The following PTPRR variants were observed in gnomAD, a reference collection of about 807,000 sequenced individuals.
PTPRR encodes the protein receptor-type tyrosine-protein phosphatase R.
Under a neutral mutation model 77.2 loss-of-function variants are expected in PTPRR, and 38 were observed. That is an observed-to-expected ratio of 0.49 (90% CI 0.38 to 0.65). The LOEUF is 0.65. Among genes scored for constraint, PTPRR ranks in the 30% least tolerant of loss-of-function variants. The probability of loss-of-function intolerance (pLI) is 0.00; values close to 1 mark genes in which losing one functional copy is unlikely to be tolerated. For synonymous variants in PTPRR, 299 were observed against 283.1 expected (o/e 1.06, Z -0.57); for missense variants, 744 against 799.2 (o/e 0.93, Z 0.83).
intron 10 of PTPRR, among the ~76,000 whole-genome samples, chr12:70,680,375 A>T (rs1170391151): frequency 1.3e-5 from 2 of 152,020 alleles, no homozygotes; most frequent in Admixed American, 6.6e-5. Context: ...AATTTTATGG[A>T]GTGACTTTTG....
intron 6 of PTPRR, among the ~76,000 whole-genome samples, chr12:70,706,727 C>G (rs1010501300): frequency 3.3e-5 from 5 of 152,098 alleles, no homozygotes; most frequent in East Asian, 1.9e-4. Context: ...TTAAAAGAAC[C>G]AGATACATTG....
At chr12:70,724,071 G>A (rs989400627) in intron 6 of PTPRR, among the ~76,000 whole-genome samples, 1 of 152,138 alleles carries the variant, frequency 6.6e-6, no homozygotes, top group African/African-American at 2.4e-5. Flanking sequence ...GTCTAAGTTG[G>A]AAGTTGTAAA....
chr12:70,709,170 T>C (rs1191918166), intron 6 of PTPRR, among the ~76,000 whole-genome samples: 1 of 152,110 alleles, frequency 6.6e-6, no homozygotes, highest in Admixed American at 6.6e-5. Flanking sequence ...TGGTTCAACA[T>C]ATACAAATCA....
intron 1 of PTPRR, among the ~76,000 whole-genome samples, chr12:70,905,409 C>A (rs1009786022): frequency 6.6e-6 from 1 of 151,856 alleles, no homozygotes; most frequent in African/African-American, 2.4e-5. Context: ...ACAGTTTTCC[C>A]TACCTGTGAG....
rs1293943096 is a variant in PTPRR at position 70,871,004 on chromosome 12, G to A, written c.357+21675C>T. Among the ~76,000 whole-genome samples, 4 of 152,296 alleles carry A rather than the reference G, an allele frequency of 2.6e-5. No homozygotes were observed. In the East Asian group the frequency reaches 5.8e-4, roughly 22 times the overall value. On this transcript the variant is annotated intron_variant, in intron 2 of 13. Coordinates refer to ENST00000283228, the MANE Select transcript of PTPRR (RefSeq NM_002849.4). ...AACACTTGGGAAATAGAGGTTCACTGAACTTTGAAATCCAAAACCAGCATC... is the reference window on the plus strand; with the variant it reads ...AACACTTGGGAAATAGAGGTTCACTAAACTTTGAAATCCAAAACCAGCATC...
intron 2 of PTPRR, among the ~76,000 whole-genome samples, chr12:70,871,909 G>T (rs936379331): frequency 6.6e-6 from 1 of 152,140 alleles, no homozygotes; most frequent in African/African-American, 2.4e-5. Flanking sequence ...TTCCCATAAA[G>T]ATTATAATAA....
At chr12:70,761,837 G>T (rs1480665358) in intron 3 of PTPRR, among the ~76,000 whole-genome samples, 1 of 152,010 alleles carries the variant, frequency 6.6e-6, no homozygotes, top group African/African-American at 2.4e-5. Context: ...GCCATTAGTT[G>T]CCACCCCCCA....
chr12:70,714,460 A>C (rs760937615), intron 6 of PTPRR, among the ~76,000 whole-genome samples: 9 of 152,184 alleles, frequency 5.9e-5, no homozygotes, highest in African/African-American at 2.2e-4. Flanking sequence ...AAATTGGATC[A>C]TAAAATTTCA....
At chr12:70,743,753 G>A (rs548784191) in intron 6 of PTPRR, among the ~76,000 whole-genome samples, 6 of 152,228 alleles carry the variant, frequency 3.9e-5, no homozygotes, top group Admixed American at 6.6e-5. Context: ...GTATGATTCC[G>A]TCCTTGTATT....
chr12:70,767,736 C>G (rs1380338929), intron 2 of PTPRR, among the ~76,000 whole-genome samples: 3 of 152,190 alleles, frequency 2.0e-5, no homozygotes, highest in Non-Finnish European at 4.4e-5. Context: ...CACACCACAC[C>G]TGTTCCAAAA....
rs1386367761 is a variant in PTPRR, at chr12:70,764,759, T to C, written c.377A>G (p.Asn126Ser). ...VIVVTLQMDV[N>S]KLNITLLRIF... ...CCGAAGCAAGGTTATGTTCAGCTTGTTTACATCCATTTGCAGTGTCTAGAA... is the reference window on the plus strand; with the variant it reads ...CCGAAGCAAGGTTATGTTCAGCTTGCTTACATCCATTTGCAGTGTCTAGAA... The change falls in exon 3 of 14, where the codon AAC (asparagine) becomes AGC (serine). Residue 126 changes from asparagine to serine, a missense_variant. By Grantham distance (46) the Asn-to-Ser change is conservative (BLOSUM62 1). This residue lies in a region of PTPRR where 570 missense variants were observed against 573.2 expected (regional missense o/e 0.99). Transcript: ENST00000283228. 2 of 1,613,740 alleles carry C rather than the reference T, an allele frequency of 1.2e-6. No homozygotes were observed. The highest frequency in any genetic ancestry group is 1.7e-6 in the Non-Finnish European group (2 of 1,179,628).
At chr12:70,849,682 G>A (rs1185303746) in intron 2 of PTPRR, among the ~76,000 whole-genome samples, 1 of 152,218 alleles carries the variant, frequency 6.6e-6, no homozygotes, top group African/African-American at 2.4e-5. Flanking sequence ...ATATGTGGTT[G>A]ACAATGGGCA....
intron 1 of PTPRR, among the ~76,000 whole-genome samples, chr12:70,901,246 A>G (rs946326492): frequency 5.3e-5 from 8 of 151,560 alleles, no homozygotes; most frequent in South Asian, 2.1e-4. Context: ...AGCAATCCCA[A>G]TTCTGGGTGT....
chr12:70,814,357 G>A (rs1480209693), intron 2 of PTPRR, among the ~76,000 whole-genome samples: 4 of 152,096 alleles, frequency 2.6e-5, no homozygotes, highest in East Asian at 3.9e-4. Context: ...CACCTTGGGC[G>A]ATTTTGTTCT....
Position 70,739,454 on chromosome 12 carries a change from G to A in PTPRR, c.1007+6364C>T, listed in dbSNP as rs73341043. ...GTCTATAGTTTATCATTAAGCTATT[G>A]GTTCTTATGGAAGATTCTTTAGAAA... On this transcript the variant is annotated intron_variant, in intron 6 of 13. Transcript: ENST00000283228. Among the ~76,000 whole-genome samples, 1,166 of 152,242 alleles carry A rather than the reference G, an allele frequency of 7.7e-3. 18 individuals carry two copies. Among genetic ancestry groups the A allele is most frequent in the African/African-American group, 0.026 (1,097 of 41,526 alleles).
rs545318779 is a variant in PTPRR at position 70,803,058 on chromosome 12, T to C, written c.358-38280A>G. ...TTGATAAGGCTATCTGTTAATTTTATCTTCAAAACCCAAATTTAGAAAGAA... is the reference window on the plus strand; with the variant it reads ...TTGATAAGGCTATCTGTTAATTTTACCTTCAAAACCCAAATTTAGAAAGAA... On this transcript the variant is annotated intron_variant, in intron 2 of 13. Transcript: ENST00000283228. Among the ~76,000 whole-genome samples, 117 of 152,336 alleles carry C rather than the reference T, an allele frequency of 7.7e-4. 1 individual carries two copies. The highest frequency in any genetic ancestry group is 2.7e-3 in the African/African-American group (112 of 41,584).
At chr12:70,641,709 G>C (rs1284363964) in intron 13 of PTPRR, among the ~76,000 whole-genome samples, 2 of 152,216 alleles carry the variant, frequency 1.3e-5, no homozygotes, top group Non-Finnish European at 2.9e-5. Flanking sequence ...TCTAGTCACT[G>C]ACAATATAGC....
At chr12:70,728,611 C>T (rs1231588592) in intron 6 of PTPRR, among the ~76,000 whole-genome samples, 2 of 140,946 alleles carry the variant, frequency 1.4e-5, no homozygotes, top group African/African-American at 5.3e-5. Context: ...TGAAATTCTA[C>T]AGTGATCCTT....
intron 6 of PTPRR, among the ~76,000 whole-genome samples, chr12:70,705,761 T>G (rs1888597068): frequency 6.6e-6 from 1 of 151,992 alleles, no homozygotes; most frequent in Non-Finnish European, 1.5e-5. Context: ...ATATAATTTG[T>G]CTGGAGTTGT....
Sources: gnomAD v4.1 joint callset for allele counts (sites outside exome capture counted in the v4.1 genomes callset) on GRCh38, gnomAD v4.1.1 for gene constraint, gnomAD v4.1.1 regional missense constraint, MANE v1.5 for transcripts, NCBI Gene and HGNC (gene_info 2026-07-23, HGNC 2026-07-21) for gene names.